The following RAI1 variants were observed in gnomAD, a reference collection of about 807,000 sequenced individuals.
RAI1 encodes retinoic acid induced 1.
RAI1 carries 9 observed loss-of-function variants against 123.8 expected under a neutral mutation model. That is an observed-to-expected ratio of 0.07 (90% CI 0.04 to 0.13). The LOEUF (loss-of-function observed/expected upper bound fraction) is 0.13, where lower values mean the gene tolerates loss of function less well. Among genes scored for constraint, RAI1 ranks in the 10% least tolerant of loss-of-function variants. The pLI is 1.00. For missense variants in RAI1, 2,256 were observed against 2,545.8 expected, an observed-to-expected ratio of 0.89 and a Z score of 2.45; for synonymous variants, 1,231 against 1,127.3, an observed-to-expected ratio of 1.09 and a Z score of -1.84.
chr17:17,716,931 G>GCCCACCACTGGGGGAC (rs1915731082), intron 1 of RAI1, among the ~76,000 whole-genome samples: 1 of 152,322 alleles, frequency 6.6e-6, no homozygotes, highest in Admixed American at 6.5e-5. Context: ...CCCACGGGAT[G>GCCCACCACTGGGGGAC]CCCACCACTG....
At chr17:17,738,844 T>TA (rs1441145039) in intron 2 of RAI1, among the ~76,000 whole-genome samples, 2 of 152,124 alleles carry the variant, frequency 1.3e-5, no homozygotes, top group Non-Finnish European at 2.9e-5. Flanking sequence ...AGGCCTGCAT[T>TA]ACCTTCAAAG....
intron 2 of RAI1, among the ~76,000 whole-genome samples, chr17:17,745,068 G>A (rs945634585): frequency 3.9e-5 from 6 of 152,096 alleles, no homozygotes; most frequent in African/African-American, 1.4e-4. Flanking sequence ...ATGGGGAGTG[G>A]GCCTGTAAAG....
In RAI1 at chr17:17,796,789, C is replaced by T; in HGVS notation, c.3841C>T (p.Pro1281Ser). ...KRMSSPKKAKPTKGNGEPATK... is the reference protein window; with the variant it reads ...KRMSSPKKAKSTKGNGEPATK... ...GATGTCTTCTCCCAAGAAAGCCAAG[C>T]CCACCAAGGGCAATGGCGAGCCTGC... Residue 1281 changes from proline (P) to serine (S), a missense_variant, in exon 3 of 6, where the codon CCC becomes TCC. Transcript: ENST00000353383. The surrounding 1 kb of genome is among the most constrained non-coding windows in gnomAD (Gnocchi z 5.8). 6.2e-7 allele frequency: 1 copy of T among 1,612,864 alleles called. No homozygotes were observed. Among genetic ancestry groups the T allele is most frequent in the South Asian group, 1.1e-5 (1 of 91,072 alleles).
chr17:17,695,768 C>A (rs950214487), intron 1 of RAI1, among the ~76,000 whole-genome samples: 6 of 152,150 alleles, frequency 3.9e-5, no homozygotes, highest in Admixed American at 2.6e-4. Context: ...GTAATCCTCC[C>A]ACCTTCGCCT....
intron 2 of RAI1, among the ~76,000 whole-genome samples, chr17:17,792,654 G>A (rs2032059397): frequency 6.6e-6 from 1 of 152,018 alleles, no homozygotes; most frequent in Non-Finnish European, 1.5e-5. Context: ...GGCCGTCCTT[G>A]GCAAGACTCA....
intron 2 of RAI1, among the ~76,000 whole-genome samples, chr17:17,790,567 G>C (rs929192747): frequency 5.9e-5 from 9 of 151,990 alleles, no homozygotes; most frequent in African/African-American, 1.9e-4. Context: ...CCCCCTCACT[G>C]TCTCTGTCTC....
At position 17,809,948 on chromosome 17, in the gene RAI1, G is replaced by A. The variant is rs766118169; in HGVS notation, c.5710-22G>A. 1 of 1,559,268 alleles carries A rather than the reference G, an allele frequency of 6.4e-7. No homozygotes were observed. The highest frequency in any genetic ancestry group is 1.2e-5 in the South Asian group (1 of 84,748). ...GTGAAGTCCGAGGTCGTCGGTAACT[G>A]GCGGGCGGGCGTCTTTTGCAGAGGC... On this transcript the variant is annotated intron_variant, in intron 5 of 5. Transcript: ENST00000353383. This position sits in a 1 kb window ranked among gnomAD's most constrained non-coding sequence, Gnocchi z 4.9.
intron 1 of RAI1, among the ~76,000 whole-genome samples, chr17:17,715,988 G>A (rs993543827): frequency 1.5e-4 from 23 of 152,366 alleles, no homozygotes; most frequent in Admixed American, 1.4e-3. Flanking sequence ...TATGGCGGGG[G>A]GAATGGGTTT....
At chr17:17,783,087 CG>C (rs67817795) in intron 2 of RAI1, among the ~76,000 whole-genome samples, 6 of 152,160 alleles carry the variant, frequency 3.9e-5, no homozygotes, top group African/African-American at 1.2e-4. Flanking sequence ...CAGCCCCCCG[CG>C]GTCCCCGCGC....
intron 1 of RAI1, among the ~76,000 whole-genome samples, chr17:17,682,089 C>T (rs1335575961): frequency 7.7e-5 from 10 of 129,780 alleles, no homozygotes; most frequent in Admixed American, 7.3e-4. Flanking sequence ...CATGGGGGCG[C>T]GAGGGGCGAG....
At chr17:17,765,842 A>T (rs575175909) in intron 2 of RAI1, 1 of 152,334 alleles carries the variant, frequency 6.6e-6, no homozygotes, top group South Asian at 2.1e-4. Context: ...GGGGTGTGGC[A>T]TTTCTTAGAA....
chr17:17,779,771 C>CT (rs35262127), intron 2 of RAI1, among the ~76,000 whole-genome samples: 3,090 of 107,974 alleles, frequency 0.029, 112 homozygotes, highest in African/African-American at 0.083. Flanking sequence ...CCTCCCCACC[C>CT]TTTTTTTTTT....
intron 2 of RAI1, among the ~76,000 whole-genome samples, chr17:17,781,577 G>C (rs1036621812): frequency 4.1e-5 from 6 of 147,548 alleles, no homozygotes; most frequent in African/African-American, 1.5e-4. Flanking sequence ...GGCCGCAGGG[G>C]AAGGGGCTGG....
At chr17:17,754,744 G>A (rs1416523984) in intron 2 of RAI1, among the ~76,000 whole-genome samples, 1 of 152,244 alleles carries the variant, frequency 6.6e-6, no homozygotes, top group Admixed American at 6.5e-5. Flanking sequence ...TTTGGGCAGT[G>A]GTTGGGGGGC....
At chr17:17,734,671 C>T (rs962627879) in intron 2 of RAI1, among the ~76,000 whole-genome samples, 2 of 152,194 alleles carry the variant, frequency 1.3e-5, no homozygotes, top group African/African-American at 2.4e-5. Flanking sequence ...CTGGTGCAGA[C>T]CAGTGGGCCC....
At chr17:17,747,122 C>G (rs1043111703) in intron 2 of RAI1, among the ~76,000 whole-genome samples, 3 of 152,144 alleles carry the variant, frequency 2.0e-5, no homozygotes, top group East Asian at 3.9e-4. Context: ...CCAGCGGGGC[C>G]TCAAGCTGAC....
Position 17,811,236 on chromosome 17 carries a change from TATATATATGTATACATATACATATATATA to T in RAI1, c.*1265_*1293del, listed in dbSNP as rs759039705. The T allele has an allele frequency of 3.0e-6, 1 of 338,480 alleles. No individual in the cohort carries two copies. The allele number at this position is 338,480 out of a possible 1,614,324, so 21.0% of individuals were successfully genotyped here. A position where few individuals can be genotyped will look rare whatever the true frequency, so the allele number is the denominator to read the frequency against. Reference sequence around the variant, plus strand: ...TTATATCTGGCCTCGTTATATAGTGTATATATATGTATACATATACATATATATAATATATATGAAGACTGTAAATGTTA... The same window carrying T: ...TTATATCTGGCCTCGTTATATAGTGTATATATATGAAGACTGTAAATGTTA... On this transcript the variant is annotated 3_prime_UTR_variant, in exon 6 of 6. Transcript: ENST00000353383.
chr17:17,785,262 C>T (rs1234067181), intron 2 of RAI1, among the ~76,000 whole-genome samples: 1 of 152,232 alleles, frequency 6.6e-6, no homozygotes, highest in South Asian at 2.1e-4. Flanking sequence ...TCCTGGCCTC[C>T]AGGCCCCTCA....
At position 17,793,968 on chromosome 17, in the gene RAI1, C is replaced by T. The variant is rs1598088150; in HGVS notation, c.1020C>T (p.Pro340=). The change falls in exon 3 of 6, where the codon CCC becomes CCT. Residue 340 remains proline (P), a synonymous_variant. Coordinates refer to ENST00000353383, the MANE Select transcript of RAI1 (RefSeq NM_030665.4). The stretch of plus-strand genomic sequence containing the variant: ...AGCAGTACTACCAGACCTTCAGCCC[C>T]AGCTCCAGCCACTCACCCGCCCGCT... ...TPEQYYQTFS[P]SSSHSPARSV... The T allele has an allele frequency of 6.2e-7, 1 of 1,613,992 alleles. No individual in the cohort carries two copies. The highest frequency in any genetic ancestry group is 1.3e-5 in the African/African-American group (1 of 75,062).
Sources: gnomAD v4.1 joint callset for allele counts (sites outside exome capture counted in the v4.1 genomes callset) on GRCh38, gnomAD v4.1.1 for gene constraint, Gnocchi (gnomAD v3.1) non-coding constraint, MANE v1.5 for transcripts, NCBI Gene and HGNC (gene_info 2026-07-23, HGNC 2026-07-21) for gene names.